Variants in SSH2 observed in about 807,000 individuals in gnomAD.
SSH2 encodes slingshot protein phosphatase 2, also known as protein phosphatase Slingshot homolog 2.
A neutral mutation model predicts 135.2 loss-of-function variants in SSH2; 37 were observed. The observed-to-expected ratio is 0.27, with a 90% CI of 0.21 to 0.36. The LOEUF (loss-of-function observed/expected upper bound fraction) is 0.36, where lower values mean the gene tolerates loss of function less well. Ranked by LOEUF, SSH2 falls within the 10% of genes least tolerant of loss-of-function variation. SSH2 has a pLI of 1.00. For missense variants in SSH2, 1,408 were observed against 1,765.3 expected (o/e 0.80, Z 3.63); for synonymous variants, 628 against 646.2 (o/e 0.97, Z 0.43).
intron 1 of SSH2, among the ~76,000 whole-genome samples, chr17:29,886,433 A>C (rs765704023): frequency 9.2e-5 from 14 of 152,064 alleles, no homozygotes; most frequent in Non-Finnish European, 1.8e-4. Flanking sequence ...CAAAGTGTTC[A>C]AGAAGAAGCA....
At chr17:29,678,713 C>CTTTTTTTT (rs55889704) in intron 6 of SSH2, among the ~76,000 whole-genome samples, 32 of 112,054 alleles carry the variant, frequency 2.9e-4, no homozygotes, top group Non-Finnish European at 3.3e-4. Flanking sequence ...AATACTATTT[C>CTTTTTTTT]TTTTTTTTTT....
chr17:29,733,425 T>A lies in SSH2; in HGVS notation c.189-30363A>T, dbSNP rs1598898740. Among the ~76,000 whole-genome samples, 4 of 152,320 alleles carry A rather than the reference T, an allele frequency of 2.6e-5. No homozygotes were observed. The South Asian group carries it at 8.3e-4, about 32-fold the overall frequency. Reference sequence around the variant, plus strand: ...GAAACATAAGTATAACAAATAGAAATGTTTATCTTCAAAGAAACTGCATGT... The same window carrying A: ...GAAACATAAGTATAACAAATAGAAAAGTTTATCTTCAAAGAAACTGCATGT... On this transcript the variant is annotated intron_variant, in intron 3 of 15. Coordinates refer to ENST00000540801, the MANE Select transcript of SSH2 (RefSeq NM_001282129.2).
At chr17:29,832,614 GT>G (rs1464112465) in intron 2 of SSH2, among the ~76,000 whole-genome samples, 1 of 152,030 alleles carries the variant, frequency 6.6e-6, no homozygotes, top group Non-Finnish European at 1.5e-5. Flanking sequence ...CTGATTTCTA[GT>G]TTTATTCCAT....
At chr17:29,879,628 T>C (rs1599133677) in intron 1 of SSH2, among the ~76,000 whole-genome samples, 6 of 152,224 alleles carry the variant, frequency 3.9e-5, no homozygotes, top group African/African-American at 1.4e-4. Context: ...AGAAAGAAAA[T>C]GCAACTCATC....
chr17:29,674,119 A>G (rs766641303), intron 8 of SSH2: 39 of 456,606 alleles, frequency 8.5e-5, no homozygotes, highest in Non-Finnish European at 3.1e-5. Flanking sequence ...TCTTCCACCA[A>G]TAGTACATCA....
intron 3 of SSH2, among the ~76,000 whole-genome samples, chr17:29,726,016 G>A (rs1216175487): frequency 1.3e-5 from 2 of 152,210 alleles, no homozygotes; most frequent in Non-Finnish European, 2.9e-5. Context: ...AGTAAGCAGT[G>A]GGTAAGAGGC....
intron 1 of SSH2, chr17:29,925,504 C>T: frequency 2.5e-6 from 1 of 398,502 alleles, no homozygotes; most frequent in East Asian, 3.6e-5. Context: ...TCCCTTGACG[C>T]CACGAGTTCA....
intron 8 of SSH2, 159 bp downstream of exon 8, chr17:29,676,661 T>C: frequency 1.7e-6 from 1 of 587,890 alleles, no homozygotes; most frequent in Non-Finnish European, 3.0e-6. Flanking sequence ...ATTGCAACAA[T>C]TTGAATATTG....
intron 9 of SSH2, among the ~76,000 whole-genome samples, chr17:29,670,430 C>A (rs888424181): frequency 6.6e-6 from 1 of 152,088 alleles, no homozygotes; most frequent in African/African-American, 2.4e-5. Context: ...ACATCCTGTG[C>A]AAAAAAAGAT....
chr17:29,679,644 G>A lies in SSH2; in HGVS notation c.480-1903C>T, dbSNP rs192216688. Among the ~76,000 whole-genome samples the A allele has an allele frequency of 5.7e-3, 865 of 152,258 alleles. 5 individuals carry two copies. Among genetic ancestry groups the A allele is most frequent in the Non-Finnish European group, 9.3e-3 (630 of 68,000 alleles). On this transcript the variant is annotated intron_variant, in intron 6 of 15. Coordinates refer to ENST00000540801, the MANE Select transcript of SSH2 (RefSeq NM_001282129.2). ...TGGTCTTGAACTCCCAACCTCAGGT[G>A]ATCCACCCGCCTTGGCCTCCCAAAG...
chr17:29,784,204 T>G (rs1352030835), intron 3 of SSH2, among the ~76,000 whole-genome samples: 8 of 148,200 alleles, frequency 5.4e-5, no homozygotes, highest in African/African-American at 2.0e-4. Flanking sequence ...CTGGCCAACA[T>G]GGTTAAACCC....
At chr17:29,678,715 T>TTC (rs1555610351) in intron 6 of SSH2, among the ~76,000 whole-genome samples, 4 of 140,558 alleles carry the variant, frequency 2.8e-5, no homozygotes, top group Admixed American at 7.1e-5. Flanking sequence ...TACTATTTCT[T>TTC]TTTTTTTTTT....
At chr17:29,770,533 C>T (rs112074499) in intron 3 of SSH2, among the ~76,000 whole-genome samples, 2,161 of 150,438 alleles carry the variant, frequency 0.014, 17 homozygotes, top group Non-Finnish European at 0.02. Context: ...GGTGCAGTGG[C>T]ATGATCTTTG....
chr17:29,631,862 G>A lies in SSH2; in HGVS notation c.3332C>T (p.Pro1111Leu). 1.9e-6 allele frequency: 3 copies of A among 1,614,248 alleles called. No homozygotes were observed. Among genetic ancestry groups the A allele is most frequent in the Non-Finnish European group, 1.7e-6 (2 of 1,180,052 alleles). ...QVLPLPHSSS[P>L]EHNRPTDHPT... ...ATGGTCAGTGGGTCTGTTGTGCTCAGGGGAGGAAGAATGAGGCAGAGGTAG... is the reference window on the plus strand; with the variant it reads ...ATGGTCAGTGGGTCTGTTGTGCTCAAGGGAGGAAGAATGAGGCAGAGGTAG... Residue 1111 changes from proline (P) to leucine (L), a missense_variant, in exon 16 of 16, where the codon CCT becomes CTT. By Grantham distance (98) the Pro-to-Leu change is moderately conservative. Coordinates refer to ENST00000540801, the MANE Select transcript of SSH2 (RefSeq NM_001282129.2).
intron 14 of SSH2, among the ~76,000 whole-genome samples, chr17:29,639,882 C>T (rs2036075171): frequency 6.6e-6 from 1 of 152,036 alleles, no homozygotes; most frequent in Admixed American, 6.6e-5. Context: ...TGAGTGTATT[C>T]CCCAATTTCT....
chr17:29,778,513 A>G (rs2041759788), intron 3 of SSH2, among the ~76,000 whole-genome samples: 1 of 151,988 alleles, frequency 6.6e-6, no homozygotes, highest in Non-Finnish European at 1.5e-5. Flanking sequence ...GGTGATGTGC[A>G]TCTGTAATCC....
chr17:29,687,581 C>A (rs1008394036), intron 5 of SSH2, among the ~76,000 whole-genome samples: 1 of 152,082 alleles, frequency 6.6e-6, no homozygotes, highest in African/African-American at 2.4e-5. Flanking sequence ...TGTGGCAGAC[C>A]GGGAGGCAGT....
chr17:29,838,266 G>A (rs1426408158), intron 2 of SSH2, among the ~76,000 whole-genome samples: 5 of 152,224 alleles, frequency 3.3e-5, no homozygotes, highest in South Asian at 2.1e-4. Flanking sequence ...CACACACTGG[G>A]TTTGGTCACT....
At chr17:29,870,139 CA>C (rs775054105) in intron 1 of SSH2, among the ~76,000 whole-genome samples, 4 of 151,920 alleles carry the variant, frequency 2.6e-5, no homozygotes, top group Admixed American at 6.6e-5. Context: ...CTCATTGCAG[CA>C]TTTATTATAA....
Sources: gnomAD v4.1 joint callset for allele counts (sites outside exome capture counted in the v4.1 genomes callset) on GRCh38, gnomAD v4.1.1 for gene constraint, MANE v1.5 for transcripts, NCBI Gene and HGNC (gene_info 2026-07-23, HGNC 2026-07-21) for gene names.